The following TRPC3 variants were observed in gnomAD, a reference collection of about 807,000 sequenced individuals.
TRPC3 encodes transient receptor potential cation channel subfamily C member 3, also known as short transient receptor potential channel 3.
In TRPC3, 54 loss-of-function variants were observed where a neutral mutation model predicts 90.9. The observed-to-expected ratio is 0.59, with a 90% confidence interval of 0.48 to 0.75. The LOEUF (loss-of-function observed/expected upper bound fraction) is 0.75. Among genes scored for constraint, TRPC3 ranks in the 30% least tolerant of loss-of-function variants. The probability of loss-of-function intolerance (pLI) is 0.00; values close to 1 mark genes in which losing one functional copy is unlikely to be tolerated. For synonymous variants in TRPC3, 424 were observed against 450.9 expected, an observed-to-expected ratio of 0.94 and a Z score of 0.75; for missense variants, 918 against 1,194.5, an observed-to-expected ratio of 0.77 and a Z score of 3.41.
At chr4:121,950,534 C>T (rs566133760) in intron 1 of TRPC3, 1 of 152,448 alleles carries the variant, frequency 6.6e-6, no homozygotes, top group East Asian at 1.9e-4. Context: ...TACAGAGCAT[C>T]TCACCCTGTG....
At chr4:121,893,751 T>C (rs1177415098) in intron 10 of TRPC3, among the ~76,000 whole-genome samples, 1 of 152,136 alleles carries the variant, frequency 6.6e-6, no homozygotes, top group African/African-American at 2.4e-5. Context: ...ACACAAAGGC[T>C]AATATTGTTA....
Position 121,879,429 on chromosome 4 carries a change from A to G in TRPC3, c.*307T>C, listed in dbSNP as rs1370301230. 1.1e-5 allele frequency: 3 copies of G among 275,052 alleles called. No homozygotes were observed. The highest frequency in any genetic ancestry group is 2.6e-4 in the East Asian group (2 of 7,600). 17.0% of individuals were successfully genotyped at this position (275,052 alleles called of 1,614,324 possible). ...TGGTCCCTGTCCCCAAGGAACTGAT[A>G]GTCTCTTGGAGGCAAACAGGTAGTG... On this transcript the variant is annotated 3_prime_UTR_variant, in exon 12 of 12. Coordinates refer to ENST00000379645, the MANE Select transcript of TRPC3 (RefSeq NM_001130698.2).
chr4:121,921,210 T>C (rs1729490057), intron 3 of TRPC3, among the ~76,000 whole-genome samples: 1 of 151,982 alleles, frequency 6.6e-6, no homozygotes, highest in Non-Finnish European at 1.5e-5. Context: ...TGGGAGTAGG[T>C]CTTGGGCAGA....
rs753602268 is a variant in TRPC3 at position 121,910,204 on chromosome 4, C to T, written c.1742G>A (p.Ser581Asn). ...QQYVDSYVQE[S>N]DLSEVTLPPE... Reference sequence around the variant, plus strand: ...TGGGAGTGTCACTTCACTGAGGTCACTCTCTTGGACGTAACTGTCCACATA... The same window carrying T: ...TGGGAGTGTCACTTCACTGAGGTCATTCTCTTGGACGTAACTGTCCACATA... The change falls in exon 6 of 12, where the codon AGT becomes AAT. Residue 581 changes from serine (S) to asparagine (N), a missense_variant. This residue lies in a region of TRPC3 where 147 missense variants were observed against 263.5 expected (regional missense o/e 0.56). Transcript: ENST00000379645. The T allele has an allele frequency of 6.2e-7, 1 of 1,613,758 alleles. No individual in the cohort carries two copies. The highest frequency in any genetic ancestry group is 1.1e-5 in the South Asian group (1 of 91,080).
At chr4:121,930,797 C>T (rs778455952) in intron 2 of TRPC3, 44 of 303,982 alleles carry the variant, frequency 1.4e-4, no homozygotes, top group Middle Eastern at 7.3e-4. Flanking sequence ...TGTCTCTAAA[C>T]GGAATTTGGA....
At chr4:121,948,813 G>A (rs183258250) in intron 1 of TRPC3, among the ~76,000 whole-genome samples, 187 of 148,958 alleles carry the variant, frequency 1.3e-3, no homozygotes, top group African/African-American at 4.1e-3. Flanking sequence ...TCTCTTCTTC[G>A]CACTTGACCC....
rs750513635 is a variant in TRPC3, at chr4:121,932,902, G to A, written c.356C>T (p.Ala119Val). ...LTAEEERFLD[A>V]AEYGNIPVVR... is the part of the protein sequence containing the mutation. ...CACTGGGATGTTGCCGTACTCGGCG[G>A]CGTCGAGGAAGCGCTCCTCCTCGGC... Residue 119 changes from alanine (A) to valine (V), a missense_variant, in exon 2 of 12, where the codon GCC (alanine) becomes GTC (valine). By Grantham distance (64) the Ala-to-Val change is moderately conservative. Transcript: ENST00000379645. The surrounding 1 kb of genome is among the most constrained non-coding windows in gnomAD (Gnocchi z 7.7). 1 of 1,614,118 alleles carries A rather than the reference G, an allele frequency of 6.2e-7. No individual in the cohort carries two copies. Among genetic ancestry groups the A allele is most frequent in the Non-Finnish European group, 8.5e-7 (1 of 1,179,994 alleles).
rs572636518 is a variant in TRPC3, at chr4:121,923,070, G to A, written c.1176+1948C>T. On this transcript the variant is annotated intron_variant, in intron 3 of 11. Transcript: ENST00000379645. Reference sequence around the variant, plus strand: ...TGTCAGAAGAGAGAGAGACAGAGAGGAGGGGAGAGAGAAAGAGGAGAAAGA... The same window carrying A: ...TGTCAGAAGAGAGAGAGACAGAGAGAAGGGGAGAGAGAAAGAGGAGAAAGA... 1.9e-4 allele frequency among the ~76,000 whole-genome samples: 28 copies of A among 151,344 alleles called. No individual in the cohort carries two copies. In the South Asian group the frequency reaches 5.0e-3, roughly 27 times the overall value.
At chr4:121,892,583 A>AT (rs1728366238) in intron 10 of TRPC3, among the ~76,000 whole-genome samples, 1 of 152,140 alleles carries the variant, frequency 6.6e-6, no homozygotes, top group Non-Finnish European at 1.5e-5. Context: ...ATAAATTTCT[A>AT]TTTTCTTTTA....
At chr4:121,923,112 G>C (rs191458525) in intron 3 of TRPC3, among the ~76,000 whole-genome samples, 7 of 152,042 alleles carry the variant, frequency 4.6e-5, no homozygotes, top group Admixed American at 4.6e-4. Context: ...GAGAGAGAGA[G>C]AGAGATTTCC....
At chr4:121,893,767 T>C (rs1471257101) in intron 10 of TRPC3, among the ~76,000 whole-genome samples, 1 of 152,142 alleles carries the variant, frequency 6.6e-6, no homozygotes, top group Admixed American at 6.5e-5. Flanking sequence ...TGTTAAAATA[T>C]GAAGAATTCC....
rs1017369433 is a variant in TRPC3 at position 121,930,848 on chromosome 4, A to C, written c.987+1423T>G. 88 of 402,200 alleles carry C rather than the reference A, an allele frequency of 2.2e-4. 1 individual carries two copies. The highest frequency in any genetic ancestry group is 1.7e-3 in the African/African-American group (81 of 46,566). The allele number at this position is 402,200 out of a possible 1,614,324, so 24.9% of individuals were successfully genotyped here. A position where few individuals can be genotyped will look rare whatever the true frequency, so the allele number is the denominator to read the frequency against. On this transcript the variant is annotated intron_variant, in intron 2 of 11. Coordinates refer to ENST00000379645, the MANE Select transcript of TRPC3 (RefSeq NM_001130698.2). The stretch of plus-strand genomic sequence containing the variant: ...TGAGATCTAAAAAAAAAAAAAAAAA[A>C]AAAAACATTTTGGGTCCAAGTAAAT...
chr4:121,904,317 T>C lies in TRPC3; in HGVS notation c.2253+5A>G. 1 of 1,596,408 alleles carries C rather than the reference T, an allele frequency of 6.3e-7. No individual in the cohort carries two copies. On this transcript the variant is annotated splice_donor_5th_base_variant and intron_variant, in intron 8 of 11. Transcript: ENST00000379645. ...ATAGATACTATGGATAGAAAACCGATTTACCTCAATTTCTTGATATGAGCT... is the reference window on the plus strand; with the variant it reads ...ATAGATACTATGGATAGAAAACCGACTTACCTCAATTTCTTGATATGAGCT...
chr4:121,932,766 C>T lies in TRPC3; in HGVS notation c.492G>A (p.Glu164=), dbSNP rs755927943. 2.5e-6 allele frequency: 4 copies of T among 1,613,386 alleles called. No homozygotes were observed. The Admixed American group carries it at 5.0e-5, about 20-fold the overall frequency. ...CCAGGTTCTCCTTCTTGAGCAGCAG[C>T]TCGGTCACCTCCAGGTGCTCGTTGC... ...AVGNEHLEVT[E]LLLKKENLAR... is the part of the protein sequence containing the mutation. Residue 164 remains glutamate, a synonymous_variant, in exon 2 of 12, where the codon GAG becomes GAA. Coordinates refer to ENST00000379645, the MANE Select transcript of TRPC3 (RefSeq NM_001130698.2). The surrounding 1 kb of genome is among the most constrained non-coding windows in gnomAD (Gnocchi z 7.7).
chr4:121,951,326 C>A lies in TRPC3; in HGVS notation c.215+140G>T. The A allele has an allele frequency of 2.0e-6, 1 of 507,040 alleles. No individual in the cohort carries two copies. The highest frequency in any genetic ancestry group is 2.7e-6 in the Non-Finnish European group (1 of 365,060). 31.4% of individuals were successfully genotyped at this position (507,040 alleles called of 1,614,324 possible). ...GCCGAGGTCTGTCCCCTCCAAATCA[C>A]TCCAAATCGAACTGCCTGGCCGTAC... is the stretch of plus-strand genomic sequence containing the variant. On this transcript the variant is annotated intron_variant, in intron 1 of 11. Transcript: ENST00000379645. This position sits in a 1 kb window ranked among gnomAD's most constrained non-coding sequence, Gnocchi z 4.4.
intron 1 of TRPC3, among the ~76,000 whole-genome samples, chr4:121,945,801 A>C (rs1479612855): frequency 6.6e-6 from 1 of 152,176 alleles, no homozygotes; most frequent in African/African-American, 2.4e-5. Context: ...AACTAGGAAC[A>C]GGGGGACTCT....
intron 1 of TRPC3, among the ~76,000 whole-genome samples, chr4:121,948,788 A>G (rs1246963503): frequency 6.6e-6 from 1 of 150,626 alleles, no homozygotes; most frequent in Non-Finnish European, 1.5e-5. Context: ...TTTCCCCACA[A>G]CTTAATGTTG....
At chr4:121,938,369 C>T (rs1244340027) in intron 1 of TRPC3, among the ~76,000 whole-genome samples, 1 of 152,174 alleles carries the variant, frequency 6.6e-6, no homozygotes, top group Non-Finnish European at 1.5e-5. Flanking sequence ...CTATGACTCA[C>T]TGTTTTGATC....
intron 10 of TRPC3, among the ~76,000 whole-genome samples, chr4:121,889,414 G>T (rs1026919706): frequency 2.6e-5 from 4 of 152,090 alleles, no homozygotes; most frequent in East Asian, 1.9e-4. Context: ...ATGGGCAAAA[G>T]ACCTGAAGAG....
Sources: gnomAD v4.1 joint callset for allele counts (sites outside exome capture counted in the v4.1 genomes callset) on GRCh38, gnomAD v4.1.1 for gene constraint, gnomAD v4.1.1 regional missense constraint, Gnocchi (gnomAD v3.1) non-coding constraint, MANE v1.5 for transcripts, NCBI Gene and HGNC (gene_info 2026-07-23, HGNC 2026-07-21) for gene names.